IPO9: variants seen among roughly 807,000 people sequenced by gnomAD.
IPO9 encodes the protein importin 9, also known as importin-9.
Under a neutral mutation model 128.6 loss-of-function variants are expected in IPO9, and 28 were observed. That is an observed-to-expected ratio of 0.22 (90% CI 0.16 to 0.30). The LOEUF is 0.30. Ranked by LOEUF, IPO9 falls within the 10% of genes least tolerant of loss-of-function variation. The pLI, the probability that IPO9 is intolerant of heterozygous loss-of-function variation, is 1.00. For synonymous variants in IPO9, 455 were observed against 475.8 expected, an observed-to-expected ratio of 0.96 and a Z score of 0.57; for missense variants, 935 against 1,293.9, an observed-to-expected ratio of 0.72 and a Z score of 4.26.
At chr1:201,839,894 T>G (rs1486391628) in intron 1 of IPO9, among the ~76,000 whole-genome samples, 2 of 152,052 alleles carry the variant, frequency 1.3e-5, no homozygotes, top group East Asian at 3.9e-4. Flanking sequence ...TGGGAGGAAT[T>G]TTTTTCCCCA....
intron 1 of IPO9, among the ~76,000 whole-genome samples, chr1:201,834,729 T>G (rs1679893866): frequency 6.6e-6 from 1 of 152,260 alleles, no homozygotes; most frequent in African/African-American, 2.4e-5. Flanking sequence ...TGGCCTTGTC[T>G]AGTTCCCAGT....
chr1:201,874,056 C>A (rs1351063370), intron 20 of IPO9, among the ~76,000 whole-genome samples, 194 bp from the exon 21 acceptor site: 1 of 152,182 alleles, frequency 6.6e-6, no homozygotes, highest in Non-Finnish European at 1.5e-5. Context: ...TCTCTCCCAG[C>A]TTCTGAACTG....
At chr1:201,838,086 G>A (rs1644574748) in intron 1 of IPO9, among the ~76,000 whole-genome samples, 1 of 152,024 alleles carries the variant, frequency 6.6e-6, no homozygotes, top group South Asian at 2.1e-4. Context: ...AAAAAAAAAG[G>A]AAATGCTGTT....
intron 11 of IPO9, among the ~76,000 whole-genome samples, chr1:201,857,527 G>A (rs1680353717): frequency 6.6e-6 from 1 of 152,190 alleles, no homozygotes; most frequent in African/African-American, 2.4e-5. Flanking sequence ...TGGGCGTGGT[G>A]ACTCACACCT....
intron 14 of IPO9, among the ~76,000 whole-genome samples, chr1:201,866,526 G>A (rs1403463898): frequency 2.7e-5 from 4 of 148,944 alleles, no homozygotes; most frequent in African/African-American, 9.8e-5. Flanking sequence ...AAAGAAAATA[G>A]CAAAAGTCAA....
rs1160332726 is a variant in IPO9 at position 201,866,792 on chromosome 1, G to C, written c.1688G>C (p.Ser563Thr). The C allele has an allele frequency of 6.2e-7, 1 of 1,614,102 alleles. No homozygotes were observed. The highest frequency in any genetic ancestry group is 8.5e-7 in the Non-Finnish European group (1 of 1,180,014). Residue 563 changes from serine (S) to threonine (T), a missense_variant, in exon 15 of 24, where the codon AGC becomes ACC. Physicochemically the swap from Ser to Thr is moderately conservative, Grantham distance 58. Transcript: ENST00000361565. ...STHVLQPFLP[S>T]ILDGLIHLAA... ...CACGTGCTCCAGCCCTTCCTCCCCA[G>C]CATCCTTGATGGCTTAATTCACCTA...
intron 23 of IPO9, among the ~76,000 whole-genome samples, chr1:201,875,649 T>C (rs1027786083): frequency 6.6e-6 from 1 of 152,040 alleles, no homozygotes; most frequent in Admixed American, 6.6e-5. Flanking sequence ...AAAGAGTTCC[T>C]GTCTTGTTGA....
chr1:201,830,126 G>A (rs1056241582), intron 1 of IPO9, among the ~76,000 whole-genome samples: 2 of 152,108 alleles, frequency 1.3e-5, no homozygotes, highest in Non-Finnish European at 2.9e-5. Flanking sequence ...ATTTCCTGCC[G>A]CGTGAGCCTT....
intron 10 of IPO9, among the ~76,000 whole-genome samples, 180 bp downstream of exon 10, chr1:201,856,114 C>T (rs560429031): frequency 1.3e-5 from 2 of 149,342 alleles, no homozygotes; most frequent in South Asian, 2.1e-4. Context: ...TTTTGGAGTT[C>T]ACCACCATAC....
Position 201,880,429 on chromosome 1 carries a change from T to C in IPO9, c.*4375T>C, listed in dbSNP as rs1463573693. ...GCTAAGATGTAGAGGACAAATCGTG[T>C]CAAGGAAAAGAAGCTTGAAGGAGCT... On this transcript the variant is annotated 3_prime_UTR_variant, in exon 24 of 24. Coordinates refer to ENST00000361565, the MANE Select transcript of IPO9 (RefSeq NM_018085.5). 6.6e-6 allele frequency: 1 copy of C among 152,152 alleles called. No homozygotes were observed. The highest frequency in any genetic ancestry group is 1.5e-5 in the Non-Finnish European group (1 of 68,040). 9.4% of individuals were successfully genotyped at this position (152,152 alleles called of 1,614,324 possible).
rs768833752 is a variant in IPO9, at chr1:201,852,057, T to A, written c.515-47T>A. ...CAGAAAATATCACACTTAATATCTT[T>A]ATGAAGCAGTATTTTTTTTTTAACA... On this transcript the variant is annotated intron_variant, in intron 4 of 23. Coordinates refer to ENST00000361565, the MANE Select transcript of IPO9 (RefSeq NM_018085.5). 4 of 1,204,860 alleles carry A rather than the reference T, an allele frequency of 3.3e-6. No individual in the cohort carries two copies. The African/African-American group carries it at 6.0e-5, about 18-fold the overall frequency. The allele number at this position is 1,204,860 out of a possible 1,614,324, so 74.6% of individuals were successfully genotyped here.
chr1:201,836,250 T>TG (rs1466456487), intron 1 of IPO9, among the ~76,000 whole-genome samples: 1 of 151,978 alleles, frequency 6.6e-6, no homozygotes, highest in Non-Finnish European at 1.5e-5. Context: ...CTCTGTTAAG[T>TG]GAAAAATCTG....
chr1:201,852,859 G>A (rs1326363097), intron 5 of IPO9, 152 bp from the exon 6 acceptor site: 1 of 650,456 alleles, frequency 1.5e-6, no homozygotes, highest in African/African-American at 1.8e-5. Context: ...TCTGCCTCCT[G>A]GACATAAATG....
In IPO9 at chr1:201,881,220, T is replaced by C. The variant is rs1284954046; in HGVS notation, c.*5166T>C. The stretch of plus-strand genomic sequence containing the variant: ...GCAAGGAGCTAACAATACCTGCTTC[T>C]GGAGTATTTAAACGCCAGTGGGTAT... On this transcript the variant is annotated 3_prime_UTR_variant, in exon 24 of 24. Transcript: ENST00000361565. 1 of 151,460 alleles carries C rather than the reference T, an allele frequency of 6.6e-6. No individual in the cohort carries two copies. The highest frequency in any genetic ancestry group is 1.5e-5 in the Non-Finnish European group (1 of 67,958). 9.4% of individuals were successfully genotyped at this position (151,460 alleles called of 1,614,324 possible). A position where few individuals can be genotyped will look rare whatever the true frequency, so the allele number is the denominator to read the frequency against.
At chr1:201,833,226 G>T (rs1679869082) in intron 1 of IPO9, among the ~76,000 whole-genome samples, 1 of 30,862 alleles carries the variant, frequency 3.2e-5, no homozygotes, top group Admixed American at 5.7e-4. Context: ...GTCCTGGAAT[G>T]ATTTTTTTTT....
chr1:201,847,780 G>A lies in IPO9; in HGVS notation c.312+142G>A, dbSNP rs756924418. 1.2e-4 allele frequency: 80 copies of A among 646,824 alleles called. 2 individuals carry two copies. The Middle Eastern group carries it at 3.7e-3, about 30-fold the overall frequency. The allele number at this position is 646,824 out of a possible 1,614,324, so 40.1% of individuals were successfully genotyped here. ...TTGGTGGCTGGCATTGCGGGCATAG[G>A]GCTATACATTAAAGAGCTCAAGTAT... On this transcript the variant is annotated intron_variant, in intron 3 of 23. Coordinates refer to ENST00000361565, the MANE Select transcript of IPO9 (RefSeq NM_018085.5).
At chr1:201,866,707 A>C (rs1283463541) in intron 14 of IPO9, 26 bp from the exon 15 acceptor site, 1 of 1,553,056 alleles carries the variant, frequency 6.4e-7, no homozygotes, top group Admixed American at 1.7e-5. Context: ...TTTTTTAATA[A>C]TTCTTGCTTA....
chr1:201,874,108 C>A, intron 20 of IPO9, 142 bp from the exon 21 acceptor site: 2 of 812,950 alleles, frequency 2.5e-6, no homozygotes, highest in Non-Finnish European at 4.0e-6. Flanking sequence ...TTAAGTCACT[C>A]TTTGGAGACT....
At chr1:201,849,430 G>T (rs1680178207) in intron 4 of IPO9, among the ~76,000 whole-genome samples, 1 of 152,180 alleles carries the variant, frequency 6.6e-6, no homozygotes, top group Non-Finnish European at 1.5e-5. Flanking sequence ...CTGGACTTTA[G>T]TCATCCTGTA....
Sources: gnomAD v4.1 joint callset for allele counts (sites outside exome capture counted in the v4.1 genomes callset) on GRCh38, gnomAD v4.1.1 for gene constraint, MANE v1.5 for transcripts, NCBI Gene and HGNC (gene_info 2026-07-23, HGNC 2026-07-21) for gene names.